The following DPYD variants were observed in gnomAD, a reference collection of about 807,000 sequenced individuals.
DPYD encodes dihydropyrimidine dehydrogenase [NADP(+)].
Under a neutral mutation model 116.2 loss-of-function variants are expected in DPYD, and 109 were observed. The observed-to-expected ratio is 0.94, with a 90% confidence interval of 0.80 to 1.10. The LOEUF (loss-of-function observed/expected upper bound fraction) is 1.10, where lower values mean the gene tolerates loss of function less well. Among genes scored for constraint, DPYD ranks in the 50% least tolerant of loss-of-function variants. The pLI is 0.00. For missense variants in DPYD, 1,302 were observed against 1,254.5 expected, an observed-to-expected ratio of 1.04 and a Z score of -0.57; for synonymous variants, 440 against 432.0, an observed-to-expected ratio of 1.02 and a Z score of -0.23.
chr1:97,578,483 A>G (rs1208759786), intron 10 of DPYD, among the ~76,000 whole-genome samples: 8 of 152,162 alleles, frequency 5.3e-5, no homozygotes, highest in Non-Finnish European at 1.2e-4. Context: ...AAATCTGTGG[A>G]CAAGCATTAT....
chr1:97,645,002 G>C (rs1007421271), intron 8 of DPYD, among the ~76,000 whole-genome samples: 2 of 151,906 alleles, frequency 1.3e-5, no homozygotes, highest in African/African-American at 4.8e-5. Context: ...TTTCTTCCCA[G>C]TACTGTTCCA....
chr1:97,332,779 T>C (rs1355447227), intron 16 of DPYD, among the ~76,000 whole-genome samples: 1 of 152,186 alleles, frequency 6.6e-6, no homozygotes, highest in Non-Finnish European at 1.5e-5. Context: ...CAAAAGAGGC[T>C]GAAATTAAAT....
chr1:97,879,278 T>C (rs574844702), intron 2 of DPYD, among the ~76,000 whole-genome samples: 2 of 152,118 alleles, frequency 1.3e-5, no homozygotes, highest in African/African-American at 4.8e-5. Context: ...ATTGTATTTT[T>C]TTTTATGGTG....
At chr1:97,488,752 C>G (rs1163407271) in intron 13 of DPYD, among the ~76,000 whole-genome samples, 1 of 152,192 alleles carries the variant, frequency 6.6e-6, no homozygotes, top group Non-Finnish European at 1.5e-5. Flanking sequence ...TAGTAACAGC[C>G]AAAGGTTACC....
intron 16 of DPYD, among the ~76,000 whole-genome samples, chr1:97,355,486 C>T (rs375243771): frequency 1.5e-4 from 23 of 152,212 alleles, no homozygotes; most frequent in African/African-American, 5.5e-4. Flanking sequence ...CAATATATCT[C>T]ATAGTAAAAA....
At chr1:97,679,951 G>C (rs1660346768) in intron 7 of DPYD, among the ~76,000 whole-genome samples, 1 of 152,074 alleles carries the variant, frequency 6.6e-6, no homozygotes, top group Admixed American at 6.6e-5. Context: ...CCTGGAAAAA[G>C]GGGAATGATC....
intron 13 of DPYD, among the ~76,000 whole-genome samples, chr1:97,465,627 CGTAA>C (rs892548038): frequency 3.3e-5 from 5 of 152,112 alleles, no homozygotes; most frequent in South Asian, 2.1e-4. Context: ...CTGTCATCCA[CGTAA>C]GTAAGACGTG....
intron 3 of DPYD, among the ~76,000 whole-genome samples, chr1:97,823,156 T>A (rs1292370667): frequency 6.6e-6 from 1 of 152,052 alleles, no homozygotes; most frequent in Non-Finnish European, 1.5e-5. Flanking sequence ...TTTTGTTTTT[T>A]GTTTTTTGTT....
intron 8 of DPYD, among the ~76,000 whole-genome samples, chr1:97,624,322 G>C (rs1450614148): frequency 6.6e-6 from 1 of 151,984 alleles, no homozygotes; most frequent in Non-Finnish European, 1.5e-5. Context: ...GATCTAAATA[G>C]ACATTTCTCA....
chr1:97,860,425 T>A (rs1671060162), intron 2 of DPYD, among the ~76,000 whole-genome samples: 1 of 152,168 alleles, frequency 6.6e-6, no homozygotes, highest in Non-Finnish European at 1.5e-5. Flanking sequence ...AAAATTAGCT[T>A]ACTGTGGGAC....
At chr1:97,724,397 T>C (rs1429604525) in intron 4 of DPYD, among the ~76,000 whole-genome samples, 2 of 148,976 alleles carry the variant, frequency 1.3e-5, no homozygotes, top group East Asian at 4.0e-4. Flanking sequence ...TGGTACACAA[T>C]TAAGAACCTG....
At chr1:97,667,748 G>T (rs1021188429) in intron 8 of DPYD, among the ~76,000 whole-genome samples, 1 of 152,080 alleles carries the variant, frequency 6.6e-6, no homozygotes, top group African/African-American at 2.4e-5. Flanking sequence ...AGGACTCAAA[G>T]AAATATCTGT....
At chr1:97,825,111 A>G (rs1192900710) in intron 3 of DPYD, among the ~76,000 whole-genome samples, 2 of 152,210 alleles carry the variant, frequency 1.3e-5, no homozygotes, top group East Asian at 3.9e-4. Context: ...TATTCCAGAG[A>G]AGGTTGTAAC....
intron 16 of DPYD, among the ~76,000 whole-genome samples, chr1:97,319,936 A>T (rs1197703474): frequency 8.1e-6 from 1 of 123,738 alleles, no homozygotes; most frequent in African/African-American, 3.0e-5. Flanking sequence ...ATATACGCAA[A>T]TCAATAAATG....
At chr1:97,751,492 A>ATATATATATATG (rs1265776238) in intron 3 of DPYD, among the ~76,000 whole-genome samples, 2 of 134,656 alleles carry the variant, frequency 1.5e-5, no homozygotes, top group East Asian at 2.2e-4. Flanking sequence ...ATATATATAT[A>ATATATATATATG]TATGGCAGGG....
chr1:97,125,596 C>T (rs1652775635), intron 20 of DPYD, among the ~76,000 whole-genome samples: 1 of 152,056 alleles, frequency 6.6e-6, no homozygotes, highest in Admixed American at 6.6e-5. Flanking sequence ...TGTCCTCCCC[C>T]AATTCATATA....
chr1:97,703,771 G>A (rs1661739131), intron 5 of DPYD, among the ~76,000 whole-genome samples: 1 of 152,102 alleles, frequency 6.6e-6, no homozygotes, highest in East Asian at 1.9e-4. Flanking sequence ...AATCTCATGA[G>A]CATAGTTAAT....
intron 8 of DPYD, among the ~76,000 whole-genome samples, chr1:97,599,285 G>A (rs913793066): frequency 6.6e-6 from 1 of 152,130 alleles, no homozygotes; most frequent in Non-Finnish European, 1.5e-5. Flanking sequence ...ACCTCCCTCT[G>A]GAACAACTAC....
chr1:97,858,140 T>G (rs1447793815), intron 2 of DPYD, among the ~76,000 whole-genome samples: 1 of 152,164 alleles, frequency 6.6e-6, no homozygotes, highest in Non-Finnish European at 1.5e-5. Flanking sequence ...TTTAACTTCT[T>G]CCCTTTTATT....
Sources: gnomAD v4.1 joint callset for allele counts (sites outside exome capture counted in the v4.1 genomes callset) on GRCh38, gnomAD v4.1.1 for gene constraint, MANE v1.5 for transcripts, NCBI Gene and HGNC (gene_info 2026-07-23, HGNC 2026-07-21) for gene names.